Variants in RIPOR2 observed in about 807,000 individuals in gnomAD.
The protein encoded by RIPOR2 is rho family-interacting cell polarization regulator 2.
In RIPOR2, 39 loss-of-function variants were observed where a neutral mutation model predicts 114.5. The ratio of observed to expected loss-of-function variants is 0.34; its 90% confidence interval spans 0.26 to 0.44. RIPOR2 has a LOEUF of 0.44. RIPOR2 is among the 20% of genes least tolerant of loss of function. The probability of loss-of-function intolerance (pLI) is 1.00; values close to 1 mark genes in which losing one functional copy is unlikely to be tolerated. For synonymous variants in RIPOR2, 445 were observed against 484.4 expected (o/e 0.92, Z 1.07); for missense variants, 1,007 against 1,255.1 (o/e 0.80, Z 2.99).
chr6:25,006,007 T>C (rs550107461), intron 1 of RIPOR2, among the ~76,000 whole-genome samples: 2 of 152,262 alleles, frequency 1.3e-5, no homozygotes, highest in African/African-American at 4.8e-5. Flanking sequence ...TCCAGGCTTT[T>C]TAAATTTTGA....
At chr6:25,023,860 T>C in intron 1 of RIPOR2, 1 of 728,708 alleles carries the variant, frequency 1.4e-6, no homozygotes, top group Non-Finnish European at 2.5e-6. Context: ...GACCGGTTCC[T>C]AGGTCTTCGT....
intron 1 of RIPOR2, among the ~76,000 whole-genome samples, chr6:24,972,585 T>C (rs1740380514): frequency 6.6e-6 from 1 of 152,214 alleles, no homozygotes. Context: ...AGGGGTTTTA[T>C]GATGTCTCAA....
upstream of RIPOR2, among the ~76,000 whole-genome samples, chr6:24,937,352 G>T (rs1771870199): frequency 6.6e-6 from 1 of 152,126 alleles, no homozygotes; most frequent in African/African-American, 2.4e-5. Context: ...CATAATGCAT[G>T]GAACAGTAGC....
intron 4 of RIPOR2, 26 bp from the exon 5 acceptor site, chr6:24,870,915 A>C: frequency 6.6e-7 from 1 of 1,514,570 alleles, no homozygotes; most frequent in Non-Finnish European, 9.0e-7. Context: ...GAATATCTGC[A>C]TTTAAACATT....
chr6:24,935,432 C>A (rs1428532743), intron 1 of RIPOR2, among the ~76,000 whole-genome samples: 1 of 151,364 alleles, frequency 6.6e-6, no homozygotes, highest in Admixed American at 6.6e-5. Context: ...CAACATGGTA[C>A]CATGAAAAAC....
At chr6:25,038,555 G>A (rs1220855986) in intron 1 of RIPOR2, among the ~76,000 whole-genome samples, 1 of 152,228 alleles carries the variant, frequency 6.6e-6, no homozygotes, top group Non-Finnish European at 1.5e-5. Flanking sequence ...ATGTTATGGA[G>A]AGGGTCATGT....
At chr6:24,806,556 A>G in intron 21 of RIPOR2, 83 bp from the exon 22 acceptor site, 1 of 992,276 alleles carries the variant, frequency 1.0e-6, no homozygotes, top group South Asian at 1.6e-5. Context: ...CCATTTGTTT[A>G]GGGATGGGTT....
intron 1 of RIPOR2, among the ~76,000 whole-genome samples, chr6:24,894,898 G>C (rs1034097047): frequency 6.6e-6 from 1 of 152,120 alleles, no homozygotes; most frequent in African/African-American, 2.4e-5. Context: ...TTTATTTGAA[G>C]ACATCTGCTA....
chr6:24,999,718 G>C (rs1219472247), intron 1 of RIPOR2, among the ~76,000 whole-genome samples: 1 of 152,018 alleles, frequency 6.6e-6, no homozygotes, highest in African/African-American at 2.4e-5. Context: ...ACCACGCCTG[G>C]CTAATTTTTT....
At chr6:24,866,393 C>A (rs2113855156) in intron 6 of RIPOR2, among the ~76,000 whole-genome samples, 1 of 152,110 alleles carries the variant, frequency 6.6e-6, no homozygotes, top group East Asian at 1.9e-4. Context: ...GCAATTTTGA[C>A]CCCCAGGGGT....
At chr6:25,001,451 C>T (rs999995386) in intron 1 of RIPOR2, among the ~76,000 whole-genome samples, 7 of 151,618 alleles carry the variant, frequency 4.6e-5, no homozygotes, top group East Asian at 2.0e-4. Flanking sequence ...GGTGTAACCC[C>T]GTCTCTACTA....
chr6:24,880,562 A>G (rs1766248152), intron 1 of RIPOR2, among the ~76,000 whole-genome samples: 1 of 152,186 alleles, frequency 6.6e-6, no homozygotes, highest in Non-Finnish European at 1.5e-5. Flanking sequence ...TTGAAATTGC[A>G]GACATTTGGA....
chr6:25,002,656 G>C (rs1017371944), intron 1 of RIPOR2, among the ~76,000 whole-genome samples: 45 of 152,206 alleles, frequency 3.0e-4, no homozygotes, highest in African/African-American at 1.1e-3. Context: ...TATACAACAT[G>C]TTATTTCTTT....
chr6:25,015,997 G>C (rs1038561404), intron 1 of RIPOR2, among the ~76,000 whole-genome samples: 3 of 146,730 alleles, frequency 2.0e-5, no homozygotes, highest in Non-Finnish European at 3.0e-5. Context: ...TCCACCTCCT[G>C]GGTTCAAGCC....
intron 17 of RIPOR2, among the ~76,000 whole-genome samples, chr6:24,830,186 G>A (rs1760550145): frequency 6.6e-6 from 1 of 152,064 alleles, no homozygotes; most frequent in Non-Finnish European, 1.5e-5. Context: ...GGCTGGTCTC[G>A]AACTCCTGAC....
At chr6:24,933,417 A>G (rs1200377343) in intron 1 of RIPOR2, among the ~76,000 whole-genome samples, 5 of 152,294 alleles carry the variant, frequency 3.3e-5, no homozygotes, top group African/African-American at 1.2e-4. Context: ...AGACCGTGCA[A>G]TTCCAGAGCT....
At chr6:25,008,791 G>C (rs1045625035) in intron 1 of RIPOR2, among the ~76,000 whole-genome samples, 15 of 152,246 alleles carry the variant, frequency 9.9e-5, no homozygotes, top group Non-Finnish European at 2.1e-4. Context: ...TTGATGAGGA[G>C]ATAGGCAAGA....
chr6:25,035,694 G>A (rs1329509007), intron 1 of RIPOR2, among the ~76,000 whole-genome samples: 1 of 152,158 alleles, frequency 6.6e-6, no homozygotes, highest in Non-Finnish European at 1.5e-5. Flanking sequence ...TAACAGGTGA[G>A]CCAGGACAGA....
At chr6:24,939,514 AAGG>A (rs1772006227), upstream of RIPOR2, among the ~76,000 whole-genome samples, 1 of 152,216 alleles carries the variant, frequency 6.6e-6, no homozygotes, top group Non-Finnish European at 1.5e-5. Context: ...TTAAAGCAGA[AAGG>A]AGAAGGGCAG....
Sources: gnomAD v4.1 joint callset for allele counts (sites outside exome capture counted in the v4.1 genomes callset) on GRCh38, gnomAD v4.1.1 for gene constraint, MANE v1.5 for transcripts, NCBI Gene and HGNC (gene_info 2026-07-23, HGNC 2026-07-21) for gene names.